Variants in PHACTR1 observed in about 807,000 individuals in gnomAD.
PHACTR1 encodes phosphatase and actin regulator 1.
PHACTR1 carries 16 observed loss-of-function variants against 69.2 expected under a neutral mutation model. The ratio of observed to expected loss-of-function variants is 0.23; its 90% confidence interval spans 0.16 to 0.35. The LOEUF (loss-of-function observed/expected upper bound fraction) is 0.35. Among genes scored for constraint, PHACTR1 ranks in the 10% least tolerant of loss-of-function variants. The pLI, the probability that PHACTR1 is intolerant of heterozygous loss-of-function variation, is 1.00. For synonymous variants in PHACTR1, 312 were observed against 284.5 expected, an observed-to-expected ratio of 1.10 and a Z score of -0.97; for missense variants, 510 against 734.7, an observed-to-expected ratio of 0.69 and a Z score of 3.54.
At chr6:12,723,119 G>T (rs2127559650) in intron 3 of PHACTR1, among the ~76,000 whole-genome samples, 1 of 152,204 alleles carries the variant, frequency 6.6e-6, no homozygotes, top group South Asian at 2.1e-4. Flanking sequence ...GACATTATAG[G>T]CCAGGGACTG....
intron 6 of PHACTR1, among the ~76,000 whole-genome samples, chr6:13,180,626 C>A (rs1208537669): frequency 6.6e-6 from 1 of 152,222 alleles, no homozygotes. Context: ...TCGTCCAGCA[C>A]TTTTATTATA....
chr6:13,279,973 T>A (rs1343388895), intron 12 of PHACTR1: 1 of 152,220 alleles, frequency 6.6e-6, no homozygotes, highest in Non-Finnish European at 1.5e-5. Context: ...TCATCAAATT[T>A]TTCAGAATTG....
At chr6:12,934,377 G>A (rs1429705975) in intron 4 of PHACTR1, among the ~76,000 whole-genome samples, 1 of 152,182 alleles carries the variant, frequency 6.6e-6, no homozygotes, top group Non-Finnish European at 1.5e-5. Flanking sequence ...AGTACTGGAT[G>A]TTAGAATGTC....
intron 4 of PHACTR1, chr6:12,957,274 AAG>A: frequency 1.3e-6 from 1 of 795,470 alleles, no homozygotes; most frequent in Non-Finnish European, 1.5e-6. Context: ...AAAAAAAAAA[AAG>A]CCCAGGCTGT....
At chr6:13,220,761 AG>A (rs1768478911) in intron 8 of PHACTR1, among the ~76,000 whole-genome samples, 1 of 152,244 alleles carries the variant, frequency 6.6e-6, no homozygotes. Flanking sequence ...TCTAAGGGTC[AG>A]GGATCCTAAT....
Position 13,194,919 on chromosome 6 carries a change from G to A in PHACTR1, c.665-10896G>A, listed in dbSNP as rs6912847. On this transcript the variant is annotated intron_variant, in intron 7 of 14. Coordinates refer to ENST00000332995, the MANE Select transcript of PHACTR1 (RefSeq NM_030948.6). ...TTCCAGATCTGAGGACGGTCCTCAC[G>A]GAGGCCAGATGTCTGCTGTGGTTTT... Among the ~76,000 whole-genome samples, 1,522 of 152,216 alleles carry A rather than the reference G, an allele frequency of 1.0e-2. 28 individuals are homozygous for A. The highest frequency in any genetic ancestry group is 0.035 in the African/African-American group (1,435 of 41,524).
chr6:13,228,263 A>C (rs887099210), intron 9 of PHACTR1, among the ~76,000 whole-genome samples, 200 bp downstream of exon 9: 1 of 152,136 alleles, frequency 6.6e-6, no homozygotes, highest in Non-Finnish European at 1.5e-5. Flanking sequence ...AATGTCCTCT[A>C]AATGCCCTCC....
intron 4 of PHACTR1, among the ~76,000 whole-genome samples, chr6:12,758,335 G>C (rs557214990): frequency 4.0e-5 from 6 of 151,036 alleles, no homozygotes. Context: ...ACAGCTACTC[G>C]GGAGGCTGAG....
rs182305525 is a variant in PHACTR1, at chr6:12,740,243, T to C, written c.104-9401T>C. ...TTTCCTGTTGATGGATTGTTCCCAG[T>C]TTGGGGTCATTATGAATAAATCTGC... is the stretch of plus-strand genomic sequence containing the variant. On this transcript the variant is annotated intron_variant, in intron 3 of 14. Coordinates refer to ENST00000332995, the MANE Select transcript of PHACTR1 (RefSeq NM_030948.6). 1.2e-4 allele frequency among the ~76,000 whole-genome samples: 19 copies of C among 152,214 alleles called. 1 individual carries two copies. The highest frequency in any genetic ancestry group is 3.3e-4 in the Admixed American group (5 of 15,282).
chr6:12,866,833 T>C (rs941887753), intron 4 of PHACTR1, among the ~76,000 whole-genome samples: 1 of 152,182 alleles, frequency 6.6e-6, no homozygotes, highest in Non-Finnish European at 1.5e-5. Flanking sequence ...AAGTGGCCCG[T>C]AGGTGCTAAA....
rs191119085 is a variant in PHACTR1 at position 13,260,019 on chromosome 6, G to A, written c.1392-12841G>A. On this transcript the variant is annotated intron_variant, in intron 10 of 14. Transcript: ENST00000332995. Reference sequence around the variant, plus strand: ...CTGTGGCAGGAATGCCTTCCCATACGCCCAGCATTCTCATTCATCCCATGG... The same window carrying A: ...CTGTGGCAGGAATGCCTTCCCATACACCCAGCATTCTCATTCATCCCATGG... Among the ~76,000 whole-genome samples, 9 of 152,264 alleles carry A rather than the reference G, an allele frequency of 5.9e-5. No homozygotes were observed. In the East Asian group the frequency reaches 1.3e-3, roughly 23 times the overall value.
At chr6:12,984,332 G>A (rs1183474803) in intron 4 of PHACTR1, among the ~76,000 whole-genome samples, 1 of 152,264 alleles carries the variant, frequency 6.6e-6, no homozygotes, top group Non-Finnish European at 1.5e-5. Context: ...GGCCTTTTTT[G>A]TTGTTGTTGT....
At chr6:12,929,308 C>T (rs1049760491) in intron 4 of PHACTR1, among the ~76,000 whole-genome samples, 1 of 152,142 alleles carries the variant, frequency 6.6e-6, no homozygotes, top group African/African-American at 2.4e-5. Context: ...CTCCTCCTAC[C>T]TACTCCCTTG....
chr6:13,282,120 G>C (rs924971939), intron 12 of PHACTR1, among the ~76,000 whole-genome samples: 4 of 152,242 alleles, frequency 2.6e-5, no homozygotes, highest in African/African-American at 9.6e-5. Context: ...TTGCAGAGTC[G>C]AAACTGCCAG....
At chr6:13,228,622 T>C (rs1770224044) in intron 9 of PHACTR1, among the ~76,000 whole-genome samples, 1 of 152,190 alleles carries the variant, frequency 6.6e-6, no homozygotes, top group South Asian at 2.1e-4. Context: ...AGCCTGATAT[T>C]TGGCCAACTT....
In PHACTR1 at chr6:13,107,908, T is replaced by C. The variant is rs771313448; in HGVS notation, c.416-52296T>C. On this transcript the variant is annotated intron_variant, in intron 5 of 14. Transcript: ENST00000332995. Reference sequence around the variant, plus strand: ...TCCTTTCTTATTGATTTCTAGTCTTTATTATTTCCTTTTCCTCTATTGGAA... The same window carrying C: ...TCCTTTCTTATTGATTTCTAGTCTTCATTATTTCCTTTTCCTCTATTGGAA... Among the ~76,000 whole-genome samples, 12 of 152,166 alleles carry C rather than the reference T, an allele frequency of 7.9e-5. No homozygotes were observed. The East Asian group carries it at 2.1e-3, about 27-fold the overall frequency.
intron 4 of PHACTR1, among the ~76,000 whole-genome samples, chr6:12,763,208 G>A (rs1413846940): frequency 2.2e-5 from 3 of 137,348 alleles, no homozygotes; most frequent in East Asian, 2.1e-4. Context: ...GTGAAACTCC[G>A]TCTCAAAAAC....
intron 10 of PHACTR1, 138 bp from the exon 11 acceptor site, chr6:13,272,722 G>A: frequency 1.9e-6 from 3 of 1,595,216 alleles, no homozygotes; most frequent in Non-Finnish European, 8.6e-7. Context: ...GTGGTGGCGA[G>A]AGTCAGTCTT....
At chr6:13,118,634 A>G (rs1818186970) in intron 5 of PHACTR1, among the ~76,000 whole-genome samples, 1 of 152,044 alleles carries the variant, frequency 6.6e-6, no homozygotes, top group African/African-American at 2.4e-5. Flanking sequence ...GCGCACAACC[A>G]TGCCCAGCTA....
Sources: gnomAD v4.1 joint callset for allele counts (sites outside exome capture counted in the v4.1 genomes callset) on GRCh38, gnomAD v4.1.1 for gene constraint, MANE v1.5 for transcripts, NCBI Gene and HGNC (gene_info 2026-07-23, HGNC 2026-07-21) for gene names.